Variants in COL5A2 observed in about 807,000 individuals in gnomAD.
COL5A2 encodes the protein collagen type V alpha 2 chain.
Under a neutral mutation model 208.2 loss-of-function variants are expected in COL5A2, and 23 were observed. That is an observed-to-expected ratio of 0.11 (90% confidence interval 0.08 to 0.16). The LOEUF (loss-of-function observed/expected upper bound fraction) is 0.16, where lower values mean the gene tolerates loss of function less well. COL5A2 is among the 10% of genes least tolerant of loss of function. COL5A2 has a pLI of 1.00. For synonymous variants in COL5A2, 625 were observed against 628.5 expected (o/e 0.99, Z 0.08); for missense variants, 1,590 against 1,956.4 (o/e 0.81, Z 3.53).
intron 5 of COL5A2, chr2:189,097,792 A>G: frequency 2.4e-6 from 1 of 422,074 alleles, no homozygotes; most frequent in South Asian, 1.7e-5. Flanking sequence ...AATGTTCATC[A>G]CTGTTCAAGT....
chr2:189,370,400 C>T, the COL5A2 span, among the ~76,000 whole-genome samples: 2 of 152,012 alleles, frequency 1.3e-5, no homozygotes, highest in African/African-American at 4.8e-5. Context: ...TTTTATTTCT[C>T]TCCTCATCAT....
chr2:189,414,652 G>C, the COL5A2 span, among the ~76,000 whole-genome samples: 1 of 150,942 alleles, frequency 6.6e-6, no homozygotes, highest in Non-Finnish European at 1.5e-5. Flanking sequence ...CGAAGGCTGA[G>C]GCCTGAGAAT....
intron 11 of COL5A2, 53 bp from the exon 12 acceptor site, chr2:189,084,090 CT>C (rs1686598083): frequency 8.2e-7 from 1 of 1,214,924 alleles, no homozygotes; most frequent in Admixed American, 1.7e-5. Context: ...TTAAAAGGTT[CT>C]TCTCTGAAAC....
At chr2:189,256,250 C>A in the COL5A2 span, among the ~76,000 whole-genome samples, 1,193 of 152,206 alleles carry the variant, frequency 7.8e-3, 23 homozygotes, top group African/African-American at 0.027. Flanking sequence ...AGAGCACTAT[C>A]CTTTGAAAAC....
At chr2:189,364,373 A>G in the COL5A2 span, among the ~76,000 whole-genome samples, 3 of 152,180 alleles carry the variant, frequency 2.0e-5, no homozygotes, top group Non-Finnish European at 4.4e-5. Flanking sequence ...AAATTTCTAC[A>G]CTTGAATAGG....
chr2:189,148,862 T>C (rs1243610511), intron 1 of COL5A2, among the ~76,000 whole-genome samples: 2 of 152,176 alleles, frequency 1.3e-5, no homozygotes, highest in Non-Finnish European at 2.9e-5. Context: ...GATTATGGCC[T>C]GGTGCAGTGG....
chr2:189,329,221 C>T, the COL5A2 span, among the ~76,000 whole-genome samples: 1 of 152,092 alleles, frequency 6.6e-6, no homozygotes, highest in African/African-American at 2.4e-5. Flanking sequence ...ATAAGCCAGG[C>T]AGAGAAAGAC....
the COL5A2 span, among the ~76,000 whole-genome samples, chr2:189,276,465 A>G: frequency 1.3e-5 from 2 of 152,162 alleles, no homozygotes. Flanking sequence ...AAAATCTGGG[A>G]AGTTTTTTCT....
chr2:189,306,517 T>G, the COL5A2 span, among the ~76,000 whole-genome samples: 1 of 152,182 alleles, frequency 6.6e-6, no homozygotes. Context: ...TCAGAACCAT[T>G]TTCACATTTC....
At chr2:189,288,691 GA>G in the COL5A2 span, among the ~76,000 whole-genome samples, 39 of 151,960 alleles carry the variant, frequency 2.6e-4, no homozygotes, top group African/African-American at 9.4e-4. Flanking sequence ...GGACAAAAAA[GA>G]ATACTTCAAA....
chr2:189,201,897 T>C (rs1019560191), intron 1 of COL5A2, among the ~76,000 whole-genome samples: 1 of 151,768 alleles, frequency 6.6e-6, no homozygotes, highest in African/African-American at 2.4e-5. Flanking sequence ...AAAAGTGATA[T>C]ACAAATAGGT....
chr2:189,080,995 G>A lies in COL5A2; in HGVS notation c.901C>T (p.His301Tyr), dbSNP rs1314517825. 6.2e-7 allele frequency: 1 copy of A among 1,613,112 alleles called. No homozygotes were observed. The highest frequency in any genetic ancestry group is 1.7e-5 in the Admixed American group (1 of 59,954). ...GAPGLPGLKG[H>Y]RGHKGLEGPK... ...TTACAATAGATTGAACTTACTCGGT[G>A]ACCCTTCAGACCTGGAAGACCAGGA... Residue 301 changes from histidine to tyrosine, a missense_variant, in exon 13 of 54, where the codon CAC becomes TAC. By Grantham distance (83) the His-to-Tyr change is moderately conservative (BLOSUM62 2). Coordinates refer to ENST00000374866, the MANE Select transcript of COL5A2 (RefSeq NM_000393.5).
At chr2:189,382,011 A>G in the COL5A2 span, among the ~76,000 whole-genome samples, 4 of 152,198 alleles carry the variant, frequency 2.6e-5, no homozygotes, top group Non-Finnish European at 5.9e-5. Flanking sequence ...ATTCAATAAA[A>G]TAAAGAAGGT....
At chr2:189,192,180 A>G (rs959697358) in intron 1 of COL5A2, among the ~76,000 whole-genome samples, 1 of 152,212 alleles carries the variant, frequency 6.6e-6, no homozygotes, top group African/African-American at 2.4e-5. Context: ...CAGATCTGTA[A>G]AGTAAAATGC....
rs191826521 is a variant in COL5A2, at chr2:189,045,251, A to G, written c.3310-19T>C. On this transcript the variant is annotated intron_variant, in intron 46 of 53. Coordinates refer to ENST00000374866, the MANE Select transcript of COL5A2 (RefSeq NM_000393.5). ...GAGAACCCTAAAAGAAATTTACAAC[A>G]AAAAAAATTGGCATGTAAAAAAGAT... 2.6e-6 allele frequency: 4 copies of G among 1,542,240 alleles called. No individual in the cohort carries two copies. The highest frequency in any genetic ancestry group is 2.3e-5 in the East Asian group (1 of 43,894).
At chr2:189,075,229 T>C (rs1441868582) in intron 17 of COL5A2, among the ~76,000 whole-genome samples, 164 bp downstream of exon 17, 1 of 152,164 alleles carries the variant, frequency 6.6e-6, no homozygotes, top group Non-Finnish European at 1.5e-5. Context: ...TATTAATATC[T>C]CTCTCTTCCT....
At chr2:189,125,754 T>C (rs1687595770) in intron 1 of COL5A2, among the ~76,000 whole-genome samples, 1 of 152,126 alleles carries the variant, frequency 6.6e-6, no homozygotes, top group Admixed American at 6.6e-5. Context: ...AACAGTAGGC[T>C]ATTAGTAGTT....
chr2:189,308,814 A>G, the COL5A2 span, among the ~76,000 whole-genome samples: 1 of 152,146 alleles, frequency 6.6e-6, no homozygotes, highest in Non-Finnish European at 1.5e-5. Flanking sequence ...ACCGAAACAA[A>G]TTCATGTTAC....
At chr2:189,351,990 T>C in the COL5A2 span, among the ~76,000 whole-genome samples, 1 of 151,604 alleles carries the variant, frequency 6.6e-6, no homozygotes, top group African/African-American at 2.4e-5. Context: ...CAGTGTGTGA[T>C]GCTCCCCGCC....
Sources: gnomAD v4.1 joint callset for allele counts (sites outside exome capture counted in the v4.1 genomes callset) on GRCh38, gnomAD v4.1.1 for gene constraint, MANE v1.5 for transcripts, NCBI Gene and HGNC (gene_info 2026-07-23, HGNC 2026-07-21) for gene names.